Variants in WDR19 observed in about 807,000 individuals in gnomAD.
WDR19 encodes the protein WD repeat-containing protein 19.
Under a neutral mutation model 180.0 loss-of-function variants are expected in WDR19, and 121 were observed. That is an observed-to-expected ratio of 0.67 (90% CI 0.58 to 0.78). The LOEUF is 0.78. Among genes scored for constraint, WDR19 ranks in the 30% least tolerant of loss-of-function variants. The pLI is 0.00. For missense variants in WDR19, 1,450 were observed against 1,640.7 expected, an observed-to-expected ratio of 0.88 and a Z score of 2.01; for synonymous variants, 497 against 540.7, an observed-to-expected ratio of 0.92 and a Z score of 1.12.
chr4:39,263,864 C>T (rs373451606), intron 28 of WDR19, among the ~76,000 whole-genome samples: 4 of 148,908 alleles, frequency 2.7e-5, no homozygotes, highest in African/African-American at 5.0e-5. Flanking sequence ...GTGGAGGTTG[C>T]GGTGAGCCAA....
intron 36 of WDR19, among the ~76,000 whole-genome samples, chr4:39,282,301 G>C (rs1736618217): frequency 6.6e-6 from 1 of 152,178 alleles, no homozygotes; most frequent in Non-Finnish European, 1.5e-5. Flanking sequence ...ATCATTTTGA[G>C]AACTGACATC....
intron 6 of WDR19, among the ~76,000 whole-genome samples, chr4:39,203,166 C>G (rs1347900928): frequency 7.1e-6 from 1 of 141,510 alleles, no homozygotes; most frequent in African/African-American, 2.7e-5. Context: ...GTGGCATGAT[C>G]ATAGCTCACT....
intron 21 of WDR19, among the ~76,000 whole-genome samples, chr4:39,243,280 C>T (rs1165696718): frequency 1.3e-5 from 2 of 152,266 alleles, no homozygotes; most frequent in East Asian, 1.9e-4. Flanking sequence ...TTCACACACA[C>T]TCCATGTATG....
intron 36 of WDR19, among the ~76,000 whole-genome samples, chr4:39,284,169 T>A (rs540874797): frequency 2.5e-5 from 1 of 39,870 alleles, no homozygotes; most frequent in Non-Finnish European, 4.5e-5. Context: ...TATCCCTTTC[T>A]GTCTTCTCAT....
intron 1 of WDR19, 144 bp from the exon 2 acceptor site, chr4:39,185,582 T>C (rs1321026167): frequency 8.8e-6 from 6 of 678,254 alleles, no homozygotes; most frequent in Non-Finnish European, 1.2e-5. Flanking sequence ...TCTTTTGTTG[T>C]TAACTTCTAG....
In WDR19 at chr4:39,186,603, G is replaced by C. The variant is rs762188457; in HGVS notation, c.163G>C (p.Gly55Arg). Reference sequence around the variant, plus strand: ...AAAAAGAAGTGAAATTAACTTACCTGGGTAAGTACAGAAGTAGATTTAAAA... The same window carrying C: ...AAAAAGAAGTGAAATTAACTTACCTCGGTAAGTACAGAAGTAGATTTAAAA... ...GQKRSEINLP[G>R]NCVAMDWDKD... The change falls in exon 3 of 37, where the codon GGT becomes CGT. Residue 55 changes from glycine to arginine, a missense_variant and splice_region_variant. Physicochemically the swap from Gly to Arg is moderately radical, Grantham distance 125. Transcript: ENST00000399820. 1.9e-6 allele frequency: 3 copies of C among 1,567,236 alleles called. No individual in the cohort carries two copies. Among genetic ancestry groups the C allele is most frequent in the Non-Finnish European group, 2.6e-6 (3 of 1,158,986 alleles).
At chr4:39,221,389 A>G (rs1225907938) in intron 14 of WDR19, among the ~76,000 whole-genome samples, 2 of 152,244 alleles carry the variant, frequency 1.3e-5, no homozygotes, top group South Asian at 2.1e-4. Context: ...TGCTTTTGGA[A>G]TAAGTGTAGT....
At chr4:39,197,277 T>G (rs1726840837) in intron 5 of WDR19, among the ~76,000 whole-genome samples, 1 of 151,602 alleles carries the variant, frequency 6.6e-6, no homozygotes, top group South Asian at 2.1e-4. Context: ...TACAAAAAAA[T>G]TAACCAGGTG....
chr4:39,226,664 A>C (rs1293148064), intron 15 of WDR19, among the ~76,000 whole-genome samples: 1 of 152,186 alleles, frequency 6.6e-6, no homozygotes, highest in Non-Finnish European at 1.5e-5. Flanking sequence ...TTCATCTGTA[A>C]AACGGGAATA....
chr4:39,215,232 T>C lies in WDR19; in HGVS notation c.961+561T>C, dbSNP rs896444486. On this transcript the variant is annotated intron_variant, in intron 10 of 36. Transcript: ENST00000399820. ...TTCTAATGTAAAGTATAAATTCTTA[T>C]ATACAGTCATGACCCACATAATGAC... 6.6e-5 allele frequency among the ~76,000 whole-genome samples: 10 copies of C among 152,358 alleles called. No individual in the cohort carries two copies. The East Asian group carries it at 1.7e-3, about 26-fold the overall frequency.
intron 5 of WDR19, among the ~76,000 whole-genome samples, chr4:39,198,363 C>T (rs1461955278): frequency 2.1e-5 from 3 of 144,250 alleles, no homozygotes; most frequent in Non-Finnish European, 3.0e-5. Context: ...TTGAGACTAT[C>T]CTGGCTAACA....
At position 39,234,892 on chromosome 4, in the gene WDR19, A is replaced by G. The variant is rs1372037467; in HGVS notation, c.2363+17A>G. The G allele has an allele frequency of 2.6e-6, 4 of 1,510,600 alleles. No homozygotes were observed. The highest frequency in any genetic ancestry group is 1.4e-5 in the African/African-American group (1 of 72,300). The allele number at this position is 1,510,600 out of a possible 1,614,324, so 93.6% of individuals were successfully genotyped here. ...TGAATTCGCGTAAGTCTTTGTTTTT[A>G]TACATTTCAGTCAGTAGCTAATGAC... On this transcript the variant is annotated intron_variant, in intron 20 of 36. Coordinates refer to ENST00000399820, the MANE Select transcript of WDR19 (RefSeq NM_025132.4).
intron 4 of WDR19, among the ~76,000 whole-genome samples, chr4:39,193,854 C>G (rs534143248): frequency 4.5e-4 from 68 of 152,346 alleles, no homozygotes; most frequent in Non-Finnish European, 8.5e-4. Context: ...GATCTGAGAA[C>G]TGGCATTTCT....
intron 25 of WDR19, 88 bp downstream of exon 25, chr4:39,253,380 A>G: frequency 1.4e-6 from 2 of 1,382,112 alleles, no homozygotes; most frequent in Non-Finnish European, 9.8e-7. Flanking sequence ...TATTAATTCA[A>G]AAGGAATATT....
rs777105752 is a variant in WDR19, at chr4:39,232,211, A to G, written c.2192A>G (p.Asn731Ser). ...GCAGGACACCTTGCCATGTTTACCA[A>G]CGATTATAACCTGGCTCAGGACTTG... ...LLAGHLAMFT[N>S]DYNLAQDLYL... The change falls in exon 19 of 37, where the codon AAC becomes AGC. Residue 731 changes from asparagine (N) to serine (S), a missense_variant. Asn to Ser is a conservative substitution (Grantham distance 46). Coordinates refer to ENST00000399820, the MANE Select transcript of WDR19 (RefSeq NM_025132.4). The G allele has an allele frequency of 3.7e-6, 6 of 1,613,780 alleles. No homozygotes were observed. In the African/African-American group the frequency reaches 6.7e-5, roughly 18 times the overall value.
At chr4:39,214,015 G>A (rs545350147) in intron 9 of WDR19, among the ~76,000 whole-genome samples, 3 of 152,266 alleles carry the variant, frequency 2.0e-5, no homozygotes, top group Admixed American at 2.0e-4. Flanking sequence ...GGAAAGAAAT[G>A]TTACAACTAT....
At chr4:39,226,354 T>C (rs1280358624) in intron 15 of WDR19, among the ~76,000 whole-genome samples, 1 of 152,246 alleles carries the variant, frequency 6.6e-6, no homozygotes, top group Non-Finnish European at 1.5e-5. Flanking sequence ...TTTTTCTGTC[T>C]GTCTAAGATG....
chr4:39,208,909 C>G (rs918171190), intron 9 of WDR19, among the ~76,000 whole-genome samples: 2 of 152,032 alleles, frequency 1.3e-5, no homozygotes, highest in Non-Finnish European at 2.9e-5. Context: ...ACAGAGGGAT[C>G]CTGGAACCCA....
rs1024499799 is a variant in WDR19 at position 39,228,668 on chromosome 4, G to A, written c.1960G>A (p.Ala654Thr). The A allele has an allele frequency of 3.8e-6, 6 of 1,599,924 alleles. No homozygotes were observed. The highest frequency in any genetic ancestry group is 5.1e-6 in the Non-Finnish European group (6 of 1,173,240). The change falls in exon 17 of 37, where the codon GCA becomes ACA. Residue 654 changes from alanine to threonine, a missense_variant. Ala to Thr is a moderately conservative substitution (Grantham distance 58, BLOSUM62 0). Transcript: ENST00000399820. ...TGPDELRPML[A>T]QNLMLKRFSD... ...GCCTGACGAACTGAGACCAATGCTG[G>A]CACAGAATTTAATGCTAAAGAGGTA...
Sources: allele counts gnomAD v4.1 joint callset (sites outside exome capture counted in the v4.1 genomes callset), GRCh38; gene constraint gnomAD v4.1.1; transcripts MANE v1.5; gene names NCBI Gene and HGNC (gene_info 2026-07-23, HGNC 2026-07-21).